CHD9: variants seen among roughly 807,000 people sequenced by gnomAD.
CHD9 encodes chromodomain helicase DNA binding protein 9.
A neutral mutation model predicts 316.1 loss-of-function variants in CHD9; 77 were observed. The ratio of observed to expected loss-of-function variants is 0.24; its 90% CI spans 0.20 to 0.29. The LOEUF (loss-of-function observed/expected upper bound fraction) is 0.29. Ranked by LOEUF, CHD9 falls within the 10% of genes least tolerant of loss-of-function variation. The pLI, the probability that CHD9 is intolerant of heterozygous loss-of-function variation, is 1.00. For synonymous variants in CHD9, 1,129 were observed against 1,158.3 expected, an observed-to-expected ratio of 0.97 and a Z score of 0.51; for missense variants, 2,763 against 3,438.1, an observed-to-expected ratio of 0.80 and a Z score of 4.91.
At position 53,324,089 on chromosome 16, in the gene CHD9, C is replaced by T. The variant is rs2057437093; in HGVS notation, c.7888C>T (p.Arg2630Trp). 4.3e-6 allele frequency: 7 copies of T among 1,613,846 alleles called. No individual in the cohort carries two copies. The highest frequency in any genetic ancestry group is 1.7e-5 in the Admixed American group (1 of 60,004). The stretch of plus-strand genomic sequence containing the variant: ...CGTTGTGAGAGAGGAAGTAAGCAGG[C>T]GGGGGAGACGGCCTAAAAGTGGAAT... ...GPVVREEVSR[R>W]GRRPKSGIAK... The change falls in exon 39 of 39, where the codon CGG becomes TGG. Residue 2630 changes from arginine to tryptophan, a missense_variant. Arg to Trp is a moderately radical substitution (Grantham distance 101, BLOSUM62 -3). Transcript: ENST00000447540.
chr16:53,292,168 C>T (rs2054394313), intron 28 of CHD9, among the ~76,000 whole-genome samples: 1 of 152,166 alleles, frequency 6.6e-6, no homozygotes, highest in Non-Finnish European at 1.5e-5. Flanking sequence ...CTTCTGATAT[C>T]AAGATAGAAA....
chr16:53,120,620 T>A (rs8054629), intron 1 of CHD9, among the ~76,000 whole-genome samples: 42,662 of 150,576 alleles, frequency 0.28, 6,645 homozygotes, highest in Middle Eastern at 0.43. Flanking sequence ...TCTCAAAAAC[T>A]AAAACAAAAA....
chr16:53,273,934 A>G, intron 23 of CHD9, 149 bp downstream of exon 23: 2 of 751,720 alleles, frequency 2.7e-6, no homozygotes, highest in Non-Finnish European at 4.3e-6. Context: ...CTACAAGCAA[A>G]TCATGATACC....
intron 1 of CHD9, among the ~76,000 whole-genome samples, chr16:53,064,666 C>T (rs940290588): frequency 6.6e-6 from 1 of 152,134 alleles, no homozygotes; most frequent in Non-Finnish European, 1.5e-5. Context: ...GGAAGCCAGG[C>T]TGCAAATGTA....
At position 53,325,145 on chromosome 16, in the gene CHD9, T is replaced by C. The variant is rs2057498401; in HGVS notation, c.*250T>C. The C allele has an allele frequency of 6.1e-6, 2 of 327,188 alleles. No individual in the cohort carries two copies. Among genetic ancestry groups the C allele is most frequent in the Non-Finnish European group, 1.1e-5 (2 of 179,014 alleles). 20.3% of individuals were successfully genotyped at this position (327,188 alleles called of 1,614,324 possible). ...TACAACAAAAGGCATTATAATTTTG[T>C]TGGGGGTTAATTTTATGAAAATTAT... On this transcript the variant is annotated 3_prime_UTR_variant, in exon 39 of 39. Transcript: ENST00000447540.
chr16:53,319,605 A>G (rs1250991031), intron 37 of CHD9, among the ~76,000 whole-genome samples: 1 of 152,210 alleles, frequency 6.6e-6, no homozygotes, highest in Non-Finnish European at 1.5e-5. Flanking sequence ...CTTCTTCTTC[A>G]TCTTATACCA....
chr16:53,169,299 G>C (rs994669890), intron 2 of CHD9: 1 of 152,100 alleles, frequency 6.6e-6, no homozygotes, highest in African/African-American at 2.4e-5. Flanking sequence ...GCCTCAAGCA[G>C]CCCTCCCACC....
At chr16:53,122,676 C>A (rs2038794278) in intron 1 of CHD9, among the ~76,000 whole-genome samples, 1 of 151,536 alleles carries the variant, frequency 6.6e-6, no homozygotes, top group African/African-American at 2.4e-5. Flanking sequence ...TCCTGAGTAG[C>A]TTGGATTACA....
chr16:53,290,910 G>A (rs984074314), intron 27 of CHD9, among the ~76,000 whole-genome samples: 2 of 152,160 alleles, frequency 1.3e-5, no homozygotes, highest in African/African-American at 2.4e-5. Context: ...GGCATGTATC[G>A]AGTAGGTATT....
intron 2 of CHD9, among the ~76,000 whole-genome samples, chr16:53,183,628 C>T (rs1275484630): frequency 6.6e-6 from 1 of 152,140 alleles, no homozygotes; most frequent in Admixed American, 6.5e-5. Context: ...AAACTCCTTT[C>T]TAATGCCGAG....
At chr16:53,195,752 T>G (rs1443270543) in intron 2 of CHD9, among the ~76,000 whole-genome samples, 1 of 151,336 alleles carries the variant, frequency 6.6e-6, no homozygotes, top group Non-Finnish European at 1.5e-5. Flanking sequence ...AACAGAGAGA[T>G]TCAATGTATG....
intron 33 of CHD9, among the ~76,000 whole-genome samples, chr16:53,308,471 T>A (rs1746027108): frequency 6.6e-6 from 1 of 152,210 alleles, no homozygotes; most frequent in Non-Finnish European, 1.5e-5. Context: ...TGTAGAGTAC[T>A]TGTATTTTTT....
intron 1 of CHD9, among the ~76,000 whole-genome samples, chr16:53,126,962 A>T (rs1480329390): frequency 6.6e-6 from 1 of 151,624 alleles, no homozygotes; most frequent in Non-Finnish European, 1.5e-5. Flanking sequence ...TACAGGTGTG[A>T]GCCACCGCAC....
chr16:53,110,889 T>A (rs1197061180), intron 1 of CHD9, among the ~76,000 whole-genome samples: 1 of 152,166 alleles, frequency 6.6e-6, no homozygotes, highest in Non-Finnish European at 1.5e-5. Flanking sequence ...AAACAGGTAA[T>A]CTGGGTGCAG....
intron 2 of CHD9, among the ~76,000 whole-genome samples, chr16:53,195,137 ACAT>A (rs1313560659): frequency 1.3e-5 from 2 of 152,216 alleles, no homozygotes; most frequent in Non-Finnish European, 2.9e-5. Flanking sequence ...CAGACATTAA[ACAT>A]CATCCATTTA....
chr16:53,289,968 A>G (rs6499536), intron 27 of CHD9, among the ~76,000 whole-genome samples: 47,260 of 152,078 alleles, frequency 0.31, 7,499 homozygotes, highest in Middle Eastern at 0.39. Flanking sequence ...GCTGACCAAG[A>G]GTGCTAAAGA....
At chr16:53,077,989 G>A (rs531916929) in intron 1 of CHD9, among the ~76,000 whole-genome samples, 18 of 152,258 alleles carry the variant, frequency 1.2e-4, no homozygotes, top group African/African-American at 3.4e-4. Context: ...CAGGAGAGTC[G>A]CTTGAACCGG....
intron 2 of CHD9, among the ~76,000 whole-genome samples, chr16:53,167,147 C>T (rs1387642787): frequency 2.0e-5 from 3 of 152,076 alleles, no homozygotes; most frequent in Non-Finnish European, 4.4e-5. Flanking sequence ...ACCTGGTTGT[C>T]TTTGATTATT....
At chr16:53,300,193 GA>G (rs1433787666) in intron 30 of CHD9, among the ~76,000 whole-genome samples, 5 of 151,812 alleles carry the variant, frequency 3.3e-5, no homozygotes, top group African/African-American at 1.2e-4. Flanking sequence ...CTCTACTAAA[GA>G]TACAAAAAAT....
Sources: allele counts gnomAD v4.1 joint callset (sites outside exome capture counted in the v4.1 genomes callset), GRCh38; gene constraint gnomAD v4.1.1; transcripts MANE v1.5; gene names NCBI Gene and HGNC (gene_info 2026-07-23, HGNC 2026-07-21).